Variants in RYR1 observed in about 807,000 individuals in gnomAD.
The protein encoded by RYR1 is central core disease of muscle.
In RYR1, 342 loss-of-function variants were observed where a neutral mutation model predicts 583.5. The ratio of observed to expected loss-of-function variants is 0.59; its 90% CI spans 0.54 to 0.64. RYR1 has a LOEUF of 0.64. RYR1 is among the 30% of genes least tolerant of loss of function. The pLI is 0.00. For missense variants in RYR1, 6,032 were observed against 6,917.2 expected (o/e 0.87, Z 4.54); for synonymous variants, 2,791 against 2,822.5 (o/e 0.99, Z 0.35).
intron 58 of RYR1, among the ~76,000 whole-genome samples, chr19:38,508,893 T>G (rs1423654287): frequency 2.0e-5 from 3 of 151,304 alleles, no homozygotes; most frequent in Non-Finnish European, 2.9e-5. Flanking sequence ...CCCTCTGGCT[T>G]GACTGGGGTG....
At chr19:38,527,169 G>GT in intron 72 of RYR1, 117 bp downstream of exon 72, 1 of 1,157,124 alleles carries the variant, frequency 8.6e-7, no homozygotes, top group Middle Eastern at 1.9e-4. Context: ...AAGGTCAGGA[G>GT]TTTGAGACCA....
rs1392322737 is a variant in RYR1, at chr19:38,543,725, C to G, written c.11908-46C>G. The G allele has an allele frequency of 6.2e-7, 1 of 1,611,244 alleles. No individual in the cohort carries two copies. Among genetic ancestry groups the G allele is most frequent in the African/African-American group, 1.3e-5 (1 of 74,930 alleles). Reference sequence around the variant, plus strand: ...GGTCCCGCATCGTGATCCCTGATCCCTTCTCGGGGATTCCCTTCCCCCCCA... The same window carrying G: ...GGTCCCGCATCGTGATCCCTGATCCGTTCTCGGGGATTCCCTTCCCCCCCA... On this transcript the variant is annotated intron_variant, in intron 86 of 105. Coordinates refer to ENST00000359596, the MANE Select transcript of RYR1 (RefSeq NM_000540.3). The surrounding 1 kb of genome is among the most constrained non-coding windows in gnomAD (Gnocchi z 4.4).
At chr19:38,504,657 G>A in intron 50 of RYR1, 91 bp from the exon 51 acceptor site, 1 of 1,537,772 alleles carries the variant, frequency 6.5e-7, no homozygotes, top group East Asian at 2.3e-5. Flanking sequence ...TCAGGGAGGA[G>A]GGCTGATGAT....
In RYR1 at chr19:38,567,874, G is replaced by A. The variant is rs1599641292; in HGVS notation, c.13616G>A (p.Gly4539Asp). The part of the protein sequence containing the change: ...SPPPKKEEAG[G>D]EFWGELEVQR... ...CCTCCAAAGAAGGAGGAAGCTGGAGGCGAATTCTGGGGAGAACTGGAGGTG... is the reference window on the plus strand; with the variant it reads ...CCTCCAAAGAAGGAGGAAGCTGGAGACGAATTCTGGGGAGAACTGGAGGTG... The change falls in exon 93 of 106, where the codon GGC becomes GAC. Residue 4539 changes from glycine (G) to aspartate (D), a missense_variant. By Grantham distance (94) the Gly-to-Asp change is moderately conservative. Transcript: ENST00000359596. The A allele has an allele frequency of 3.7e-6, 6 of 1,613,876 alleles. No homozygotes were observed. Among genetic ancestry groups the A allele is most frequent in the South Asian group, 1.1e-5 (1 of 91,086 alleles).
chr19:38,442,448 G>T lies in RYR1; in HGVS notation c.265G>T (p.Val89Leu). ...GCTGGCTAACACGGTGGAGGCTGGC[G>T]TGGAGGTGAGGACCCCACCTGGGGG... ...EMLANTVEAGVESSQGGGHRT... is the reference protein window; with the variant it reads ...EMLANTVEAGLESSQGGGHRT... The change falls in exon 3 of 106, where the codon GTG becomes TTG. Residue 89 changes from valine (V) to leucine (L), a missense_variant. Transcript: ENST00000359596. 1 of 1,612,848 alleles carries T rather than the reference G, an allele frequency of 6.2e-7. No homozygotes were observed. The highest frequency in any genetic ancestry group is 1.1e-5 in the South Asian group (1 of 91,044).
chr19:38,500,851 C>T lies in RYR1; in HGVS notation c.7475C>T (p.Ala2492Val), dbSNP rs1568502890. Reference sequence around the variant, plus strand: ...GCTCTGGTGCAGCCAAAGATGTCAGCATCCTTCGTGCCGGACCACAAGGCG... The same window carrying T: ...GCTCTGGTGCAGCCAAAGATGTCAGTATCCTTCGTGCCGGACCACAAGGCG... ...DGALVQPKMS[A>V]SFVPDHKASM... The change falls in exon 47 of 106, where the codon GCA (alanine) becomes GTA (valine). Residue 2492 changes from alanine to valine, a missense_variant. By Grantham distance (64) the Ala-to-Val change is moderately conservative. Coordinates refer to ENST00000359596, the MANE Select transcript of RYR1 (RefSeq NM_000540.3). This position sits in a 1 kb window ranked among gnomAD's most constrained non-coding sequence, Gnocchi z 5.9. 5 of 1,614,128 alleles carry T rather than the reference C, an allele frequency of 3.1e-6. No homozygotes were observed. Among genetic ancestry groups the T allele is most frequent in the Non-Finnish European group, 4.2e-6 (5 of 1,180,020 alleles).
In RYR1 at chr19:38,448,759, C is replaced by G; in HGVS notation, c.1068C>G (p.Leu356=). Residue 356 remains leucine, a synonymous_variant, in exon 11 of 106, where the codon CTC becomes CTG. Coordinates refer to ENST00000359596, the MANE Select transcript of RYR1 (RefSeq NM_000540.3). ...AGCATGTGGCCTCAGGACTGTGGCTCACCTATGCTGCTCCAGACCCCAAGG... is the reference window on the plus strand; with the variant it reads ...AGCATGTGGCCTCAGGACTGTGGCTGACCTATGCTGCTCCAGACCCCAAGG... ...FVQHVASGLW[L]TYAAPDPKAL... The G allele has an allele frequency of 6.2e-7, 1 of 1,614,206 alleles. No homozygotes were observed. The highest frequency in any genetic ancestry group is 8.5e-7 in the Non-Finnish European group (1 of 1,180,036).
In RYR1 at chr19:38,485,990, C is replaced by T. The variant is rs377041724; in HGVS notation, c.5335C>T (p.Pro1779Ser). 1.9e-6 allele frequency: 3 copies of T among 1,613,452 alleles called. No individual in the cohort carries two copies. The African/African-American group carries it at 4.0e-5, about 22-fold the overall frequency. ...GCTGAGGCCCCCGCATCATTTCTCG[C>T]CCCCCTGTTTCGTGGCCGCTCTGCC... ...TSLRPPHHFS[P>S]PCFVAALPAA... Residue 1779 changes from proline (P) to serine (S), a missense_variant, in exon 34 of 106, where the codon CCC becomes TCC. Pro to Ser is a moderately conservative substitution (Grantham distance 74). Transcript: ENST00000359596.
chr19:38,478,659 T>C (rs1050537401), intron 31 of RYR1, 59 bp downstream of exon 31: 115 of 1,583,940 alleles, frequency 7.3e-5, no homozygotes, highest in Non-Finnish European at 9.7e-5. Flanking sequence ...CCAGGACAGC[T>C]CTTATAGATG....
chr19:38,490,311 T>C (rs1435485665), intron 36 of RYR1, 35 bp downstream of exon 36: 7 of 1,590,604 alleles, frequency 4.4e-6, no homozygotes, highest in Non-Finnish European at 6.0e-6. Flanking sequence ...ACTTTTACTG[T>C]CTAAACCCCA....
Position 38,565,994 on chromosome 19 carries a change from G to C in RYR1, c.13437+223G>C, listed in dbSNP as rs1374586623. On this transcript the variant is annotated intron_variant, in intron 91 of 105. Coordinates refer to ENST00000359596, the MANE Select transcript of RYR1 (RefSeq NM_000540.3). The surrounding 1 kb of genome is among the most constrained non-coding windows in gnomAD (Gnocchi z 4.7). ...GGATACTCAGACCCACAGAGAAAGA[G>C]ACTCAGAGATGGAGACCTGGAGAAA... Among the ~76,000 whole-genome samples, 1 of 151,978 alleles carries C rather than the reference G, an allele frequency of 6.6e-6. No individual in the cohort carries two copies. Among genetic ancestry groups the C allele is most frequent in the Admixed American group, 6.6e-5 (1 of 15,236 alleles).
intron 99 of RYR1, among the ~76,000 whole-genome samples, chr19:38,579,445 T>A (rs1462777779): frequency 6.9e-6 from 1 of 145,642 alleles, no homozygotes; most frequent in South Asian, 2.2e-4. Flanking sequence ...AAAAAAAAAT[T>A]AGCTGGGTGT....
At position 38,573,243 on chromosome 19, in the gene RYR1, A is replaced by G. The variant is rs1207270581; in HGVS notation, c.14065A>G (p.Ile4689Val). 1.2e-6 allele frequency: 2 copies of G among 1,613,998 alleles called. No homozygotes were observed. Among genetic ancestry groups the G allele is most frequent in the Non-Finnish European group, 1.7e-6 (2 of 1,179,940 alleles). Residue 4689 changes from isoleucine (I) to valine (V), a missense_variant, in exon 96 of 106, where the codon ATC becomes GTC. By Grantham distance (29) the Ile-to-Val change is conservative. Transcript: ENST00000359596. ...GAAGCTGGAGTTTGATGGCCTGTACATCACGGAGCAGCCTGAGGACGATGA... is the reference window on the plus strand; with the variant it reads ...GAAGCTGGAGTTTGATGGCCTGTACGTCACGGAGCAGCCTGAGGACGATGA... ...ARKLEFDGLY[I>V]TEQPEDDDVK...
chr19:38,472,024 A>G (rs115083050), intron 27 of RYR1, among the ~76,000 whole-genome samples: 5,544 of 152,142 alleles, frequency 0.036, 324 homozygotes, highest in African/African-American at 0.13. Context: ...GGAGAGGTCA[A>G]CGTGAGGAGG....
At chr19:38,542,106 T>G (rs1013982080) in intron 84 of RYR1, among the ~76,000 whole-genome samples, 7 of 150,150 alleles carry the variant, frequency 4.7e-5, no homozygotes, top group African/African-American at 7.3e-5. Flanking sequence ...GGGGACTGTT[T>G]TTTTTTTTTT....
chr19:38,467,194 G>A (rs1336914848), intron 24 of RYR1, among the ~76,000 whole-genome samples: 1 of 152,094 alleles, frequency 6.6e-6, no homozygotes, highest in Non-Finnish European at 1.5e-5. Context: ...CCAACCTTCA[G>A]TTTCTCAACT....
chr19:38,444,150 A>G lies in RYR1; in HGVS notation c.426A>G (p.Gly142=), dbSNP rs755875222. The change falls in exon 6 of 106, where the codon GGA becomes GGG. Residue 142 remains glycine, a splice_region_variant and synonymous_variant. Transcript: ENST00000359596. This position sits in a 1 kb window ranked among gnomAD's most constrained non-coding sequence, Gnocchi z 5.1. ...FDVGLQEDAT[G]EACWWTMHPA... is the part of the protein sequence containing the mutation. Reference sequence around the variant, plus strand: ...CCCCCATTCCATCCCCACCCATAGGAGAGGCTTGCTGGTGGACCATGCACC... The same window carrying G: ...CCCCCATTCCATCCCCACCCATAGGGGAGGCTTGCTGGTGGACCATGCACC... 6.2e-7 allele frequency: 1 copy of G among 1,613,118 alleles called. No individual in the cohort carries two copies. The highest frequency in any genetic ancestry group is 2.2e-5 in the East Asian group (1 of 44,860).
At chr19:38,523,736 C>A in intron 69 of RYR1, 179 bp from the exon 70 acceptor site, 1 of 724,648 alleles carries the variant, frequency 1.4e-6, no homozygotes. Context: ...CAGCACTGCC[C>A]TTCTCAGGTC....
At chr19:38,443,664 G>T in intron 4 of RYR1, 32 bp downstream of exon 4, 1 of 1,613,802 alleles carries the variant, frequency 6.2e-7, no homozygotes, top group Non-Finnish European at 8.5e-7. Context: ...GTGGGCAGGG[G>T]CCAGGGCATG....
Sources: gnomAD v4.1 joint callset for allele counts (sites outside exome capture counted in the v4.1 genomes callset) on GRCh38, gnomAD v4.1.1 for gene constraint, Gnocchi (gnomAD v3.1) non-coding constraint, MANE v1.5 for transcripts, NCBI Gene and HGNC (gene_info 2026-07-23, HGNC 2026-07-21) for gene names.